LRRFIP2: variants seen among roughly 807,000 people sequenced by gnomAD.
LRRFIP2 encodes the protein LRR binding FLII interacting protein 2.
LRRFIP2 carries 109 observed loss-of-function variants against 125.9 expected under a neutral mutation model. The observed-to-expected ratio is 0.87, with a 90% CI of 0.74 to 1.01. The LOEUF is 1.01. LRRFIP2 is among the 50% of genes least tolerant of loss of function. The pLI is 0.00. For missense variants in LRRFIP2, 850 were observed against 862.3 expected (o/e 0.99, Z 0.18); for synonymous variants, 291 against 293.1 (o/e 0.99, Z 0.07).
chr3:37,097,614 C>T (rs2093790406), intron 15 of LRRFIP2, among the ~76,000 whole-genome samples: 1 of 152,132 alleles, frequency 6.6e-6, no homozygotes, highest in Non-Finnish European at 1.5e-5. Flanking sequence ...TTTTAAACAG[C>T]TTCATAGTAG....
intron 2 of LRRFIP2, among the ~76,000 whole-genome samples, chr3:37,133,601 T>C (rs2095484242): frequency 6.6e-6 from 1 of 152,136 alleles, no homozygotes; most frequent in Non-Finnish European, 1.5e-5. Flanking sequence ...GTCAAATTCA[T>C]ACAGACAGAA....
chr3:37,097,875 A>G (rs2093804669), intron 15 of LRRFIP2, among the ~76,000 whole-genome samples: 1 of 152,196 alleles, frequency 6.6e-6, no homozygotes, highest in African/African-American at 2.4e-5. Flanking sequence ...ATGTTATTCC[A>G]ATTATCACCA....
At chr3:37,117,183 C>A (rs2094830827) in intron 6 of LRRFIP2, among the ~76,000 whole-genome samples, 1 of 150,420 alleles carries the variant, frequency 6.6e-6, no homozygotes, top group Admixed American at 6.6e-5. Context: ...CACATTCTAG[C>A]AGATAAGCTA....
At chr3:37,098,202 G>T (rs986899788) in intron 15 of LRRFIP2, among the ~76,000 whole-genome samples, 1 of 151,402 alleles carries the variant, frequency 6.6e-6, no homozygotes, top group African/African-American at 2.4e-5. Context: ...CTCTGAAAAA[G>T]AAACTAATTT....
chr3:37,159,577 G>A (rs965415485), intron 1 of LRRFIP2, among the ~76,000 whole-genome samples: 24 of 152,070 alleles, frequency 1.6e-4, no homozygotes, highest in Admixed American at 1.6e-3. Flanking sequence ...TGCGATCTCA[G>A]CTCAGTGTAA....
intron 24 of LRRFIP2, among the ~76,000 whole-genome samples, chr3:37,061,147 G>A (rs927985600): frequency 5.9e-5 from 9 of 152,100 alleles, no homozygotes; most frequent in African/African-American, 1.7e-4. Context: ...GAGATATGAC[G>A]TGCCTGCTGC....
At chr3:37,140,435 C>G (rs75963250) in intron 2 of LRRFIP2, 1 of 109,422 alleles carries the variant, frequency 9.1e-6, no homozygotes, top group Non-Finnish European at 2.0e-5. Context: ...TTTATTTATT[C>G]ATTCATGTAT....
At position 37,057,088 on chromosome 3, in the gene LRRFIP2, C is replaced by T. The variant is rs574547154; in HGVS notation, c.1870+1702G>A. On this transcript the variant is annotated intron_variant, in intron 25 of 27. Coordinates refer to ENST00000336686, the MANE Select transcript of LRRFIP2 (RefSeq NM_006309.4). ...GTCCAGGGAAGCTGCTTGCTTTTGT[C>T]TTTGCCAGCTTTCCCACAGTCCTGC... Among the ~76,000 whole-genome samples the T allele has an allele frequency of 4.1e-4, 63 of 152,310 alleles. 1 individual carries two copies. The highest frequency in any genetic ancestry group is 1.5e-3 in the African/African-American group (61 of 41,566).
intron 16 of LRRFIP2, among the ~76,000 whole-genome samples, chr3:37,095,236 AT>A (rs1185605207): frequency 2.0e-5 from 3 of 152,246 alleles, no homozygotes; most frequent in Non-Finnish European, 4.4e-5. Context: ...AGCACATCAG[AT>A]TAACTTAAAG....
intron 20 of LRRFIP2, 64 bp downstream of exon 20, chr3:37,074,960 C>G: frequency 9.5e-7 from 1 of 1,056,936 alleles, no homozygotes; most frequent in Non-Finnish European, 1.5e-6. Context: ...CCTCCCAACA[C>G]ATCCTCATCC....
intron 4 of LRRFIP2, among the ~76,000 whole-genome samples, chr3:37,125,283 G>A (rs906919851): frequency 1.3e-5 from 2 of 152,096 alleles, no homozygotes; most frequent in Admixed American, 6.5e-5. Flanking sequence ...TTCAAAAACC[G>A]TATTTACTCT....
chr3:37,121,570 T>G (rs1242316837), intron 5 of LRRFIP2, 34 bp from the exon 6 acceptor site: 2 of 1,613,198 alleles, frequency 1.2e-6, no homozygotes, highest in South Asian at 2.2e-5. Context: ...AGTAAAAGTT[T>G]GTGAGTGATT....
chr3:37,095,950 T>C (rs1035662294), intron 16 of LRRFIP2, among the ~76,000 whole-genome samples: 1 of 152,206 alleles, frequency 6.6e-6, no homozygotes, highest in Non-Finnish European at 1.5e-5. Flanking sequence ...TCTGGCCTAG[T>C]AATTTTATAT....
chr3:37,169,087 A>G (rs949947561), intron 1 of LRRFIP2, among the ~76,000 whole-genome samples: 1 of 152,234 alleles, frequency 6.6e-6, no homozygotes, highest in Non-Finnish European at 1.5e-5. Context: ...GGAACCACAG[A>G]CTATACCATA....
chr3:37,160,561 C>T (rs1349409759), intron 1 of LRRFIP2, among the ~76,000 whole-genome samples: 1 of 152,092 alleles, frequency 6.6e-6, no homozygotes, highest in Non-Finnish European at 1.5e-5. Context: ...AGGCGGATCA[C>T]CTGAGGTCAG....
intron 6 of LRRFIP2, among the ~76,000 whole-genome samples, chr3:37,117,101 T>TA (rs1314285960): frequency 2.7e-5 from 4 of 147,934 alleles, no homozygotes; most frequent in Admixed American, 6.7e-5. Flanking sequence ...ATTTCTAAAT[T>TA]AAAAAAAATC....
intron 24 of LRRFIP2, among the ~76,000 whole-genome samples, chr3:37,062,936 C>G (rs2089183201): frequency 1.3e-5 from 2 of 152,034 alleles, no homozygotes; most frequent in South Asian, 4.2e-4. Context: ...CTCCAGATGC[C>G]AATGAAGGGT....
At chr3:37,107,886 A>C (rs1042555129) in intron 13 of LRRFIP2, among the ~76,000 whole-genome samples, 187 bp downstream of exon 13, 9 of 152,242 alleles carry the variant, frequency 5.9e-5, no homozygotes, top group Admixed American at 5.2e-4. Context: ...TTACATGCTA[A>C]GTCACATTTA....
At chr3:37,113,196 CTG>C (rs1404688197) in intron 7 of LRRFIP2, among the ~76,000 whole-genome samples, 1 of 152,244 alleles carries the variant, frequency 6.6e-6, no homozygotes, top group African/African-American at 2.4e-5. Context: ...TCACCTCCCT[CTG>C]TGCCAAGCAT....
Sources: gnomAD v4.1 joint callset for allele counts (sites outside exome capture counted in the v4.1 genomes callset) on GRCh38, gnomAD v4.1.1 for gene constraint, MANE v1.5 for transcripts, NCBI Gene and HGNC (gene_info 2026-07-23, HGNC 2026-07-21) for gene names.